Variants in MAP4 observed in about 807,000 individuals in gnomAD.
The protein encoded by MAP4 is microtubule-associated protein 4.
Under a neutral mutation model 170.2 loss-of-function variants are expected in MAP4, and 76 were observed. The ratio of observed to expected loss-of-function variants is 0.45; its 90% confidence interval spans 0.37 to 0.54. MAP4 has a LOEUF of 0.54. MAP4 is among the 20% of genes least tolerant of loss of function. The pLI, the probability that MAP4 is intolerant of heterozygous loss-of-function variation, is 0.00. For synonymous variants in MAP4, 909 were observed against 994.5 expected (o/e 0.91, Z 1.62); for missense variants, 2,506 against 2,748.0 (o/e 0.91, Z 1.97).
At chr3:48,072,987 T>C (rs2100141750) in intron 1 of MAP4, among the ~76,000 whole-genome samples, 1 of 149,918 alleles carries the variant, frequency 6.7e-6, no homozygotes, top group African/African-American at 2.5e-5. Flanking sequence ...TCCCAGCACT[T>C]TGGGAGGCTG....
rs1258408230 is a variant in MAP4, at chr3:48,087,716, TACACACGCACGCGCAC to T, written c.-20+1041_-20+1056del. ...AGACGCGCGCGCGCGCACACACACATACACACGCACGCGCACACACACGCACGCGCACACACACACA... is the reference window on the plus strand; with the variant it reads ...AGACGCGCGCGCGCGCACACACACATACACACGCACGCGCACACACACACA... On this transcript the variant is annotated intron_variant, in intron 1 of 18. Transcript: ENST00000360240. Among the ~76,000 whole-genome samples, 65 of 119,564 alleles carry T rather than the reference TACACACGCACGCGCAC, an allele frequency of 5.4e-4. 1 individual carries two copies. The highest frequency in any genetic ancestry group is 1.8e-3 in the African/African-American group (58 of 32,442). 78.4% of individuals were successfully genotyped at this position (119,564 alleles called of 152,430 possible).
At chr3:48,016,971 G>A (rs958529740), upstream of MAP4, among the ~76,000 whole-genome samples, 25 of 151,850 alleles carry the variant, frequency 1.6e-4, no homozygotes, top group African/African-American at 5.8e-4. Flanking sequence ...TAGAGACGAG[G>A]TTTCATCATG....
At chr3:48,071,112 T>C (rs1261704971) in intron 1 of MAP4, among the ~76,000 whole-genome samples, 1 of 152,142 alleles carries the variant, frequency 6.6e-6, no homozygotes, top group Non-Finnish European at 1.5e-5. Context: ...TGTCTCGTAA[T>C]AAAGGGCAGA....
chr3:48,022,484 A>T (rs569306992), intron 1 of MAP4, among the ~76,000 whole-genome samples: 18 of 152,262 alleles, frequency 1.2e-4, no homozygotes, highest in South Asian at 6.2e-4. Flanking sequence ...GATTTTTTTT[A>T]AAAAATGAAG....
In MAP4 at chr3:47,986,851, G is replaced by A. The variant is rs553063642; in HGVS notation, c.224-8918C>T. On this transcript the variant is annotated intron_variant, in intron 2 of 20. Coordinates refer to ENST00000683076, the MANE Select transcript of MAP4 (RefSeq NM_001385682.1). Reference sequence around the variant, plus strand: ...ATATGATCATGAGACTATTAAGAGGGTTTAGGATTAGACCAAGTACACCTA... The same window carrying A: ...ATATGATCATGAGACTATTAAGAGGATTTAGGATTAGACCAAGTACACCTA... Among the ~76,000 whole-genome samples, 5 of 152,212 alleles carry A rather than the reference G, an allele frequency of 3.3e-5. No individual in the cohort carries two copies. In the South Asian group the frequency reaches 8.3e-4, roughly 25 times the overall value.
chr3:47,922,014 C>G (rs1040547221), intron 4 of MAP4, 136 bp from the exon 5 acceptor site: 1 of 558,976 alleles, frequency 1.8e-6, no homozygotes, highest in Non-Finnish European at 3.2e-6. Flanking sequence ...GTGGTGCCAT[C>G]TTGGTTCACT....
intron 1 of MAP4, among the ~76,000 whole-genome samples, chr3:48,053,012 G>T (rs568681462): frequency 1.2e-4 from 18 of 152,198 alleles, no homozygotes; most frequent in African/African-American, 4.1e-4. Context: ...CACCTTTAAA[G>T]AAACAGAAAC....
chr3:47,927,667 G>A (rs748967978), intron 4 of MAP4, among the ~76,000 whole-genome samples: 3 of 152,096 alleles, frequency 2.0e-5, no homozygotes, highest in South Asian at 2.1e-4. Context: ...TAGAGACAGC[G>A]TTTCTCCATG....
At chr3:47,965,339 G>A (rs1290512235) in intron 3 of MAP4, among the ~76,000 whole-genome samples, 1 of 152,140 alleles carries the variant, frequency 6.6e-6, no homozygotes, top group Non-Finnish European at 1.5e-5. Flanking sequence ...TTTGGCCACT[G>A]TGAATAATGC....
chr3:48,066,571 G>A (rs2100138322), intron 1 of MAP4, among the ~76,000 whole-genome samples: 1 of 152,002 alleles, frequency 6.6e-6, no homozygotes, highest in Non-Finnish European at 1.5e-5. Flanking sequence ...TCCGCTCACT[G>A]CAACCTCTGC....
chr3:47,947,264 C>G (rs1478192727), intron 3 of MAP4, among the ~76,000 whole-genome samples: 2 of 152,184 alleles, frequency 1.3e-5, no homozygotes, highest in South Asian at 2.1e-4. Context: ...CCAGCAGGGT[C>G]AGTGGGTCCT....
At chr3:48,063,036 A>G (rs1196502853) in intron 1 of MAP4, among the ~76,000 whole-genome samples, 2 of 152,178 alleles carry the variant, frequency 1.3e-5, no homozygotes, top group Non-Finnish European at 2.9e-5. Context: ...TATGAACGAA[A>G]AGATGTTCAA....
chr3:48,011,614 C>T (rs763109039), intron 1 of MAP4, among the ~76,000 whole-genome samples: 1 of 151,524 alleles, frequency 6.6e-6, no homozygotes, highest in South Asian at 2.1e-4. Flanking sequence ...TTACAACAGA[C>T]GAATGTGGGT....
At chr3:48,049,653 C>A (rs1475366690) in intron 1 of MAP4, among the ~76,000 whole-genome samples, 1 of 151,220 alleles carries the variant, frequency 6.6e-6, no homozygotes, top group South Asian at 2.1e-4. Flanking sequence ...TAAATTAAGG[C>A]CAGGTGTGGT....
intron 1 of MAP4, among the ~76,000 whole-genome samples, chr3:48,065,345 T>C (rs527783065): frequency 6.6e-6 from 1 of 152,322 alleles, no homozygotes; most frequent in South Asian, 2.1e-4. Context: ...ATGCAAAATC[T>C]TGGGTCCCAC....
intron 3 of MAP4, among the ~76,000 whole-genome samples, chr3:47,971,848 C>A (rs2100078968): frequency 6.6e-6 from 1 of 152,136 alleles, no homozygotes; most frequent in Non-Finnish European, 1.5e-5. Flanking sequence ...ACCATATTAT[C>A]AAGTCAATAA....
intron 1 of MAP4, among the ~76,000 whole-genome samples, chr3:48,015,971 C>T (rs2100107595): frequency 6.6e-6 from 1 of 152,142 alleles, no homozygotes; most frequent in South Asian, 2.1e-4. Context: ...CCCTAGGTTC[C>T]TCCCTACACA....
chr3:47,930,666 T>C lies in MAP4; in HGVS notation c.293-2316A>G, dbSNP rs540400225. The stretch of plus-strand genomic sequence containing the variant: ...CTTGATGGCCAGCTGCAGCGGCTCA[T>C]GCCTGTAATCCCAGCACTTTGGGAG... On this transcript the variant is annotated intron_variant, in intron 3 of 20. Transcript: ENST00000683076. 8.3e-4 allele frequency among the ~76,000 whole-genome samples: 126 copies of C among 151,736 alleles called. 1 individual carries two copies. The South Asian group carries it at 0.014, about 16-fold the overall frequency.
chr3:47,863,000 G>C (rs927969944), intron 17 of MAP4, among the ~76,000 whole-genome samples: 2 of 151,030 alleles, frequency 1.3e-5, no homozygotes, highest in East Asian at 3.9e-4. Flanking sequence ...TTTTGAGACG[G>C]AGTTTCGCTC....
Sources: allele counts gnomAD v4.1 joint callset (sites outside exome capture counted in the v4.1 genomes callset), GRCh38; gene constraint gnomAD v4.1.1; transcripts MANE v1.5; gene names NCBI Gene and HGNC (gene_info 2026-07-23, HGNC 2026-07-21).